The following ACBD6 variants were observed in gnomAD, a reference collection of about 807,000 sequenced individuals.
ACBD6 encodes the protein acyl-CoA-binding domain-containing protein 6.
Under a neutral mutation model 37.2 loss-of-function variants are expected in ACBD6, and 28 were observed. The observed-to-expected ratio is 0.75, with a 90% CI of 0.56 to 1.03. The LOEUF (loss-of-function observed/expected upper bound fraction) is 1.03, where lower values mean the gene tolerates loss of function less well. Ranked by LOEUF, ACBD6 falls within the 50% of genes least tolerant of loss-of-function variation. The probability of loss-of-function intolerance (pLI) is 0.00; values close to 1 mark genes in which losing one functional copy is unlikely to be tolerated. For missense variants in ACBD6, 340 were observed against 337.4 expected (o/e 1.01, Z -0.06); for synonymous variants, 113 against 126.8 (o/e 0.89, Z 0.73).
chr1:180,472,723 A>T (rs1650616407), intron 3 of ACBD6, among the ~76,000 whole-genome samples: 1 of 152,222 alleles, frequency 6.6e-6, no homozygotes, highest in African/African-American at 2.4e-5. Context: ...GGAAAAACAC[A>T]TTCTAAAGTA....
intron 6 of ACBD6, among the ~76,000 whole-genome samples, chr1:180,328,155 G>C (rs1292470470): frequency 6.6e-6 from 1 of 151,768 alleles, no homozygotes; most frequent in Non-Finnish European, 1.5e-5. Context: ...GTAGCCCCTG[G>C]TTTTTAACTG....
chr1:180,422,660 A>G (rs1648416461), intron 4 of ACBD6, among the ~76,000 whole-genome samples: 1 of 152,186 alleles, frequency 6.6e-6, no homozygotes, highest in African/African-American at 2.4e-5. Flanking sequence ...TTTTGGGAGT[A>G]CTTCCAGCAT....
At chr1:180,493,543 TATA>T (rs1397673166) in intron 2 of ACBD6, among the ~76,000 whole-genome samples, 1 of 152,220 alleles carries the variant, frequency 6.6e-6, no homozygotes, top group East Asian at 1.9e-4. Flanking sequence ...CTATGATGAA[TATA>T]ATATCTTTCT....
intron 3 of ACBD6, among the ~76,000 whole-genome samples, chr1:180,447,356 G>A (rs959250273): frequency 6.6e-5 from 10 of 151,976 alleles, no homozygotes; most frequent in African/African-American, 1.7e-4. Flanking sequence ...ACAGAACTCC[G>A]AAGATTCTCT....
At position 180,395,466 on chromosome 1, in the gene ACBD6, ATTT is replaced by A. The variant is rs774323429; in HGVS notation, c.663+2047_663+2049del. ...TTTATGGTAACACCAGTGTTGTGTGATTTTTTTTTATTTTTATTTTTAGCTTTT... is the reference window on the plus strand; with the variant it reads ...TTTATGGTAACACCAGTGTTGTGTGATTTTTTATTTTTATTTTTAGCTTTT... On this transcript the variant is annotated intron_variant, in intron 6 of 7. Transcript: ENST00000367595. Among the ~76,000 whole-genome samples the A allele has an allele frequency of 4.0e-5, 6 of 151,766 alleles. No homozygotes were observed. The South Asian group carries it at 1.2e-3, about 32-fold the overall frequency.
intron 6 of ACBD6, among the ~76,000 whole-genome samples, chr1:180,363,249 T>C (rs1652915497): frequency 6.6e-6 from 1 of 152,206 alleles, no homozygotes; most frequent in Admixed American, 6.5e-5. Flanking sequence ...GTTTTTGTAA[T>C]TAAAAGGTTA....
At chr1:180,486,581 G>A (rs1651272223) in intron 3 of ACBD6, among the ~76,000 whole-genome samples, 1 of 152,076 alleles carries the variant, frequency 6.6e-6, no homozygotes, top group African/African-American at 2.4e-5. Context: ...TCCTTACAGT[G>A]GAATGCTAAA....
At chr1:180,276,963 A>G (rs1649074084) in intron 9 of ACBD6, 1 of 152,208 alleles carries the variant, frequency 6.6e-6, no homozygotes, top group African/African-American at 2.4e-5. Context: ...CATTTATACT[A>G]ATAATATAAT....
intron 6 of ACBD6, among the ~76,000 whole-genome samples, chr1:180,376,329 A>G (rs547037551): frequency 6.6e-6 from 1 of 152,240 alleles, no homozygotes; most frequent in African/African-American, 2.4e-5. Flanking sequence ...CACTTACAGG[A>G]ATCTATCCTG....
At chr1:180,453,064 T>G (rs1331341555) in intron 3 of ACBD6, among the ~76,000 whole-genome samples, 1 of 152,252 alleles carries the variant, frequency 6.6e-6, no homozygotes, top group African/African-American at 2.4e-5. Context: ...TAACTCATTT[T>G]ATGAGGCCAG....
intron 6 of ACBD6, among the ~76,000 whole-genome samples, chr1:180,335,524 A>C (rs1014464730): frequency 6.6e-6 from 1 of 152,170 alleles, no homozygotes; most frequent in East Asian, 1.9e-4. Context: ...CTAAACATGG[A>C]AAGGAACAAC....
chr1:180,333,436 T>C (rs1393630751), intron 6 of ACBD6, among the ~76,000 whole-genome samples: 4 of 152,226 alleles, frequency 2.6e-5, no homozygotes, highest in African/African-American at 9.6e-5. Context: ...TGTCTTGGAA[T>C]TATAAAATAA....
At chr1:180,287,605 C>T (rs1375090259), downstream of ACBD6, among the ~76,000 whole-genome samples, 12 of 94,714 alleles carry the variant, frequency 1.3e-4, no homozygotes, top group Admixed American at 1.7e-3. Flanking sequence ...TTTTTTTTAA[C>T]AGAGACTGCT....
At chr1:180,479,013 G>T (rs1650914792) in intron 3 of ACBD6, among the ~76,000 whole-genome samples, 1 of 152,112 alleles carries the variant, frequency 6.6e-6, no homozygotes, top group Non-Finnish European at 1.5e-5. Context: ...CACACCTGTA[G>T]TCCCAGCTAC....
At chr1:180,320,685 T>C (rs1460906861) in intron 6 of ACBD6, among the ~76,000 whole-genome samples, 1 of 152,086 alleles carries the variant, frequency 6.6e-6, no homozygotes, top group Non-Finnish European at 1.5e-5. Context: ...ACCAGATTAT[T>C]AGGTTTTTTT....
At chr1:180,405,949 A>G (rs1253345193) in intron 5 of ACBD6, among the ~76,000 whole-genome samples, 3 of 152,152 alleles carry the variant, frequency 2.0e-5, no homozygotes, top group Non-Finnish European at 4.4e-5. Flanking sequence ...TTTTCCCTTC[A>G]TATTTTGAAT....
At chr1:180,269,994 G>A (rs994357356) in exon 14 of ACBD6, 2 of 152,264 alleles carry the variant, frequency 1.3e-5, no homozygotes, top group African/African-American at 4.8e-5. Context: ...AGGCACGGGT[G>A]TGTCCCCCCT....
chr1:180,288,745 G>A (rs112128458), intron 7 of ACBD6, among the ~76,000 whole-genome samples: 5 of 152,142 alleles, frequency 3.3e-5, no homozygotes, highest in Non-Finnish European at 4.4e-5. Flanking sequence ...GAACACACAC[G>A]CAAACAAATA....
intron 3 of ACBD6, among the ~76,000 whole-genome samples, chr1:180,440,370 A>T (rs1649232176): frequency 6.6e-6 from 1 of 152,132 alleles, no homozygotes; most frequent in Non-Finnish European, 1.5e-5. Context: ...CAGCCTCCCA[A>T]AGTATTGGGA....
Sources: allele counts gnomAD v4.1 joint callset (sites outside exome capture counted in the v4.1 genomes callset), GRCh38; gene constraint gnomAD v4.1.1; transcripts MANE v1.5; gene names NCBI Gene and HGNC (gene_info 2026-07-23, HGNC 2026-07-21).